Variants in NCKAP5 observed in about 807,000 individuals in gnomAD.
NCKAP5 encodes NCK associated protein 5.
Under a neutral mutation model 167.0 loss-of-function variants are expected in NCKAP5, and 92 were observed. The observed-to-expected ratio is 0.55, with a 90% CI of 0.47 to 0.66. The LOEUF (loss-of-function observed/expected upper bound fraction) is 0.66. NCKAP5 is among the 30% of genes least tolerant of loss of function. The pLI is 0.00. For missense variants in NCKAP5, 2,378 were observed against 2,315.0 expected (o/e 1.03, Z -0.56); for synonymous variants, 891 against 877.4 (o/e 1.02, Z -0.27).
At chr2:133,365,291 T>G (rs1685381388) in intron 3 of NCKAP5, among the ~76,000 whole-genome samples, 1 of 152,212 alleles carries the variant, frequency 6.6e-6, no homozygotes, top group African/African-American at 2.4e-5. Flanking sequence ...TCCTATTTCT[T>G]ATTGTTTCCC....
chr2:133,242,436 G>A (rs2087762300), intron 4 of NCKAP5, among the ~76,000 whole-genome samples: 2 of 152,086 alleles, frequency 1.3e-5, no homozygotes, highest in Non-Finnish European at 2.9e-5. Context: ...TTTCTAAGCA[G>A]GCTTCCAAGA....
chr2:133,550,875 A>T (rs1687233731), intron 2 of NCKAP5, among the ~76,000 whole-genome samples: 3 of 148,064 alleles, frequency 2.0e-5, no homozygotes, highest in Admixed American at 2.0e-4. Flanking sequence ...AAATCTCCTT[A>T]AGCTGATAAG....
At chr2:133,167,778 C>T (rs1048733689) in intron 5 of NCKAP5, among the ~76,000 whole-genome samples, 2 of 152,150 alleles carry the variant, frequency 1.3e-5, no homozygotes, top group Admixed American at 1.3e-4. Context: ...ATCACATGAT[C>T]TCTGAAGGTT....
chr2:133,043,307 T>A (rs1247186054), intron 6 of NCKAP5, among the ~76,000 whole-genome samples: 3 of 152,210 alleles, frequency 2.0e-5, no homozygotes, highest in Non-Finnish European at 2.9e-5. Context: ...CCCTTCTTTA[T>A]AAATTAATAA....
At chr2:132,834,675 G>T (rs6738505) in intron 11 of NCKAP5, among the ~76,000 whole-genome samples, 10,503 of 152,106 alleles carry the variant, frequency 0.069, 722 homozygotes, top group African/African-American at 0.16. Flanking sequence ...TTTTTGTAGA[G>T]ACAAGGTCTT....
intron 3 of NCKAP5, among the ~76,000 whole-genome samples, chr2:133,429,145 T>C (rs1171991387): frequency 6.6e-6 from 1 of 152,122 alleles, no homozygotes; most frequent in Non-Finnish European, 1.5e-5. Context: ...TTATGCCATG[T>C]GGAATATTAT....
chr2:132,686,843 G>C lies in NCKAP5; in HGVS notation c.5714-13538C>G, dbSNP rs779820730. Among the ~76,000 whole-genome samples the C allele has an allele frequency of 2.0e-4, 31 of 152,210 alleles. No homozygotes were observed. The Middle Eastern group carries it at 0.01, about 50-fold the overall frequency. ...AATAACTCCCCCAGTAAGTAAACAG[G>C]AAAATAGACTTTGTTCTTCAAAAAA... On this transcript the variant is annotated intron_variant, in intron 19 of 19. Coordinates refer to ENST00000409261, the MANE Select transcript of NCKAP5 (RefSeq NM_207363.3).
At chr2:132,949,061 GGAA>G (rs1304116951) in intron 8 of NCKAP5, among the ~76,000 whole-genome samples, 13 of 133,428 alleles carry the variant, frequency 9.7e-5, no homozygotes, top group Non-Finnish European at 1.2e-4. Context: ...AACATGGTGA[GGAA>G]GAAGGACAAG....
intron 3 of NCKAP5, among the ~76,000 whole-genome samples, chr2:133,327,836 C>A (rs1682556281): frequency 6.6e-6 from 1 of 152,110 alleles, no homozygotes; most frequent in Non-Finnish European, 1.5e-5. Flanking sequence ...CAGTGCTTCT[C>A]AGTGGGGGAT....
chr2:132,980,943 T>C (rs6713545), intron 7 of NCKAP5, among the ~76,000 whole-genome samples: 62,047 of 152,062 alleles, frequency 0.41, 15,580 homozygotes, highest in Non-Finnish European at 0.56. Flanking sequence ...GGAAAGGAAT[T>C]GTATTCAGGT....
chr2:132,999,034 A>G (rs2077695853), intron 6 of NCKAP5, among the ~76,000 whole-genome samples: 1 of 152,222 alleles, frequency 6.6e-6, no homozygotes, highest in Admixed American at 6.5e-5. Flanking sequence ...ATTATACTTA[A>G]TGAGTTGTAA....
chr2:133,335,678 T>C (rs541266686), intron 3 of NCKAP5, among the ~76,000 whole-genome samples: 175 of 152,318 alleles, frequency 1.1e-3, no homozygotes, highest in African/African-American at 4.0e-3. Context: ...ATGTTGCCAT[T>C]AAAAGATCCA....
At chr2:133,053,193 A>G (rs570666436) in intron 6 of NCKAP5, among the ~76,000 whole-genome samples, 1 of 152,250 alleles carries the variant, frequency 6.6e-6, no homozygotes, top group South Asian at 2.1e-4. Flanking sequence ...ATCCTTGAAG[A>G]TTCTTTATTC....
At chr2:132,987,447 C>T (rs1469250275) in intron 7 of NCKAP5, among the ~76,000 whole-genome samples, 1 of 152,136 alleles carries the variant, frequency 6.6e-6, no homozygotes, top group Non-Finnish European at 1.5e-5. Context: ...GGAAAAGGGT[C>T]TCTTTCCCCA....
At chr2:132,873,966 C>T (rs528128443) in intron 9 of NCKAP5, among the ~76,000 whole-genome samples, 1 of 152,166 alleles carries the variant, frequency 6.6e-6, no homozygotes, top group South Asian at 2.1e-4. Flanking sequence ...AATGAGGAAA[C>T]AAATACAGGG....
chr2:133,091,331 C>G (rs1482461132), intron 6 of NCKAP5, among the ~76,000 whole-genome samples: 1 of 152,182 alleles, frequency 6.6e-6, no homozygotes, highest in African/African-American at 2.4e-5. Context: ...CCCTCTCCAG[C>G]TAAGTGAGAT....
chr2:133,413,608 A>C (rs1382908127), intron 3 of NCKAP5, among the ~76,000 whole-genome samples: 1 of 152,182 alleles, frequency 6.6e-6, no homozygotes, highest in African/African-American at 2.4e-5. Context: ...AGGTAAAAAA[A>C]AAAAATTTAA....
chr2:132,713,486 A>G (rs1689057389), intron 19 of NCKAP5, among the ~76,000 whole-genome samples: 1 of 152,220 alleles, frequency 6.6e-6, no homozygotes, highest in Non-Finnish European at 1.5e-5. Context: ...CAAGATGGGT[A>G]TTTAGGTCCT....
rs1363595478 is a variant in NCKAP5, at chr2:132,785,315, T to G, written c.1496A>C (p.His499Pro). The G allele has an allele frequency of 1.2e-6, 2 of 1,611,550 alleles. No individual in the cohort carries two copies. The highest frequency in any genetic ancestry group is 2.2e-5 in the East Asian group (1 of 44,854). ...AACACTGTGGGTTAATTTACTGCCA[T>G]GTGGCCTGCAGCTCTGGTTTGGAAC... is the stretch of plus-strand genomic sequence containing the variant. ...QAVPNQSCRP[H>P]GSKLTHSVSD... Residue 499 changes from histidine to proline, a missense_variant, in exon 14 of 20, where the codon CAT becomes CCT. Around this residue, in one of 3 missense-constraint regions of NCKAP5, gnomAD observed 1,049 missense variants for 1,023.4 expected, o/e 1.02. Transcript: ENST00000409261.
Sources: gnomAD v4.1 joint callset for allele counts (sites outside exome capture counted in the v4.1 genomes callset) on GRCh38, gnomAD v4.1.1 for gene constraint, gnomAD v4.1.1 regional missense constraint, MANE v1.5 for transcripts, NCBI Gene and HGNC (gene_info 2026-07-23, HGNC 2026-07-21) for gene names.